Variants in RFX1 observed in about 807,000 individuals in gnomAD.
RFX1 encodes the protein regulatory factor X1.
A neutral mutation model predicts 119.6 loss-of-function variants in RFX1; 42 were observed. That is an observed-to-expected ratio of 0.35 (90% confidence interval 0.27 to 0.45). The LOEUF (loss-of-function observed/expected upper bound fraction) is 0.45. RFX1 is among the 20% of genes least tolerant of loss of function. RFX1 has a pLI of 1.00. For synonymous variants in RFX1, 628 were observed against 618.5 expected (o/e 1.02, Z -0.23); for missense variants, 1,118 against 1,368.1 (o/e 0.82, Z 2.88).
chr19:13,969,757 A>C lies in RFX1; in HGVS notation c.1496+237T>G. 1 of 445,370 alleles carries C rather than the reference A, an allele frequency of 2.2e-6. No homozygotes were observed. The highest frequency in any genetic ancestry group is 4.0e-6 in the Non-Finnish European group (1 of 252,034). The allele number at this position is 445,370 out of a possible 1,614,324, so 27.6% of individuals were successfully genotyped here. On this transcript the variant is annotated intron_variant, in intron 10 of 20. Transcript: ENST00000254325. This position sits in a 1 kb window ranked among gnomAD's most constrained non-coding sequence, Gnocchi z 4.5. ...CGGGCAGGGGAGAGGGGGAGGCTGC[A>C]GTTTTAGTTGAGGCAGTCAGGGGAC... is the stretch of plus-strand genomic sequence containing the variant.
At chr19:13,994,576 G>A (rs1436798737) in intron 1 of RFX1, among the ~76,000 whole-genome samples, 4 of 151,662 alleles carry the variant, frequency 2.6e-5, no homozygotes, top group African/African-American at 9.7e-5. Context: ...TTTGCTGGGC[G>A]TGGTGGTGCA....
rs61063670 is a variant in RFX1, at chr19:13,968,171, T to C, written c.1732+394A>G. Among the ~76,000 whole-genome samples the C allele has an allele frequency of 0.037, 5,649 of 152,092 alleles. 339 individuals are homozygous for C. Among genetic ancestry groups the C allele is most frequent in the African/African-American group, 0.13 (5,383 of 41,456 alleles). On this transcript the variant is annotated intron_variant, in intron 12 of 20. Transcript: ENST00000254325. The surrounding 1 kb of genome is among the most constrained non-coding windows in gnomAD (Gnocchi z 5.5). ...CAGGAGGCTGAGGCAGGAGAATCAC[T>C]TGAACCCAGGAGGCGGAGGTTGCAG...
chr19:13,966,281 C>T lies in RFX1; in HGVS notation c.1961+140G>A. 1.6e-6 allele frequency: 1 copy of T among 608,502 alleles called. No homozygotes were observed. The highest frequency in any genetic ancestry group is 2.9e-6 in the Non-Finnish European group (1 of 341,254). 37.7% of individuals were successfully genotyped at this position (608,502 alleles called of 1,614,324 possible). On this transcript the variant is annotated intron_variant, in intron 14 of 20. Transcript: ENST00000254325. The surrounding 1 kb of genome is among the most constrained non-coding windows in gnomAD (Gnocchi z 6.3). ...GACTGTTGAGTGTCGGGTGGCTATACACACTCCACACAGCCAAGGATATGT... is the reference window on the plus strand; with the variant it reads ...GACTGTTGAGTGTCGGGTGGCTATATACACTCCACACAGCCAAGGATATGT...
chr19:13,990,080 C>T lies in RFX1; in HGVS notation c.319+3445G>A, dbSNP rs902786709. On this transcript the variant is annotated intron_variant, in intron 2 of 20. Coordinates refer to ENST00000254325, the MANE Select transcript of RFX1 (RefSeq NM_002918.5). The surrounding 1 kb of genome is among the most constrained non-coding windows in gnomAD (Gnocchi z 4.1). ...AGGAGGGGCTGGATGTGGGGTCCTG[C>T]GGTTCAGGGTTGCAGCCCAGGCTGG... Among the ~76,000 whole-genome samples the T allele has an allele frequency of 6.6e-6, 1 of 151,988 alleles. No homozygotes were observed. The highest frequency in any genetic ancestry group is 2.4e-5 in the African/African-American group (1 of 41,380).
chr19:13,962,728 G>C lies in RFX1; in HGVS notation c.2907C>G (p.Arg969=). ...AGGGCAGCGCCTGCACGAAGAGGCC[G>C]CGCGCGTCAGTCCGCGCCAGCTTGG... is the stretch of plus-strand genomic sequence containing the variant. ...PPAKLARTDA[R]GLFVQALPSS Residue 969 remains arginine (R), a synonymous_variant, in exon 21 of 21, where the codon CGC becomes CGG. Coordinates refer to ENST00000254325, the MANE Select transcript of RFX1 (RefSeq NM_002918.5). 6.5e-7 allele frequency: 1 copy of C among 1,530,258 alleles called. No individual in the cohort carries two copies. The highest frequency in any genetic ancestry group is 8.7e-7 in the Non-Finnish European group (1 of 1,143,958). 94.8% of individuals were successfully genotyped at this position (1,530,258 alleles called of 1,614,324 possible).
intron 4 of RFX1, 102 bp downstream of exon 4, chr19:13,983,085 T>C: frequency 1.1e-6 from 1 of 904,912 alleles, no homozygotes; most frequent in Non-Finnish European, 1.7e-6. Flanking sequence ...ATGGGGACTC[T>C]TCCCTCCATC....
At chr19:13,997,623 A>T (rs775281255) in intron 1 of RFX1, among the ~76,000 whole-genome samples, 1 of 152,158 alleles carries the variant, frequency 6.6e-6, no homozygotes, top group Non-Finnish European at 1.5e-5. Context: ...AGGAAACAGG[A>T]GCTTACACTT....
At chr19:13,976,431 C>A (rs565501294) in intron 8 of RFX1, among the ~76,000 whole-genome samples, 1 of 152,208 alleles carries the variant, frequency 6.6e-6, no homozygotes, top group African/African-American at 2.4e-5. Context: ...GGAGGACCCC[C>A]GGCGAGGAGC....
rs1279835014 is a variant in RFX1, at chr19:13,969,947, G to A, written c.1496+47C>T. The A allele has an allele frequency of 2.0e-6, 3 of 1,538,204 alleles. No homozygotes were observed. Among genetic ancestry groups the A allele is most frequent in the Admixed American group, 1.9e-5 (1 of 53,236 alleles). On this transcript the variant is annotated intron_variant, in intron 10 of 20. Coordinates refer to ENST00000254325, the MANE Select transcript of RFX1 (RefSeq NM_002918.5). This position sits in a 1 kb window ranked among gnomAD's most constrained non-coding sequence, Gnocchi z 4.5. ...TCGGAGTGGGGGTGGGCCTTGGCAT[G>A]CCCACCAATTCCCCAGGGACTGCTG... is the stretch of plus-strand genomic sequence containing the variant.
rs1475566550 is a variant in RFX1, at chr19:13,965,868, C to A, written c.1962-91G>T. 3 of 1,460,012 alleles carry A rather than the reference C, an allele frequency of 2.1e-6. No individual in the cohort carries two copies. Among genetic ancestry groups the A allele is most frequent in the African/African-American group, 2.8e-5 (2 of 72,122 alleles). 90.4% of individuals were successfully genotyped at this position (1,460,012 alleles called of 1,614,324 possible). On this transcript the variant is annotated intron_variant, in intron 14 of 20. Coordinates refer to ENST00000254325, the MANE Select transcript of RFX1 (RefSeq NM_002918.5). This position sits in a 1 kb window ranked among gnomAD's most constrained non-coding sequence, Gnocchi z 4.7. ...GGAACAGGTAGCCCCTGTCCCTGAC[C>A]CAGGGTCACTGGGGTACTCTGTGGT... is the stretch of plus-strand genomic sequence containing the variant.
chr19:13,999,635 AG>A (rs1447678664), intron 1 of RFX1, among the ~76,000 whole-genome samples: 1 of 152,154 alleles, frequency 6.6e-6, no homozygotes, highest in African/African-American at 2.4e-5. Flanking sequence ...AGCCAAAAAC[AG>A]GCAGCAGGCC....
In RFX1 at chr19:13,965,560, C is replaced by T. The variant is rs534568112; in HGVS notation, c.2114-14G>A. 6.6e-4 allele frequency: 979 copies of T among 1,484,044 alleles called. 12 individuals carry two copies. The South Asian group carries it at 9.6e-3, about 15-fold the overall frequency. The allele number at this position is 1,484,044 out of a possible 1,614,324, so 91.9% of individuals were successfully genotyped here. A position where few individuals can be genotyped will look rare whatever the true frequency, so the allele number is the denominator to read the frequency against. On this transcript the variant is annotated splice_polypyrimidine_tract_variant and intron_variant, in intron 15 of 20. Transcript: ENST00000254325. The surrounding 1 kb of genome is among the most constrained non-coding windows in gnomAD (Gnocchi z 4.7). Reference sequence around the variant, plus strand: ...GGGTCAAGGCACCTGTGGGCGGTGGCGGGGGTCGGTCAGGGCAGGGCGGGT... The same window carrying T: ...GGGTCAAGGCACCTGTGGGCGGTGGTGGGGGTCGGTCAGGGCAGGGCGGGT...
In RFX1 at chr19:13,963,163, C is replaced by T. The variant is rs1354259908; in HGVS notation, c.2683G>A (p.Ala895Thr). ...ATGGGGGTCTCGCCCTTGGCCTGGG[C>T]TACGCGGTGCTCGATCAGGTAGTAC... ...YMYYLIEHRV[A>T]QAKGETPIAV... The change falls in exon 19 of 21, where the codon GCC becomes ACC. Residue 895 changes from alanine (A) to threonine (T), a missense_variant. Transcript: ENST00000254325. 3 of 1,612,570 alleles carry T rather than the reference C, an allele frequency of 1.9e-6. No homozygotes were observed. In the South Asian group the frequency reaches 3.3e-5, roughly 18 times the overall value.
In RFX1 at chr19:13,978,089, G is replaced by A. The variant is rs370291049; in HGVS notation, c.835-3C>T. ...GGCACCTGCTGGAGCTGCTGCACCT[G>A]GGGCAGAGGAAGGGCACGTGGAGGG... On this transcript the variant is annotated splice_polypyrimidine_tract_variant and splice_region_variant and intron_variant, in intron 7 of 20. Transcript: ENST00000254325. The A allele has an allele frequency of 5.5e-4, 888 of 1,611,660 alleles. 1 individual carries two copies. Among genetic ancestry groups the A allele is most frequent in the Non-Finnish European group, 6.9e-4 (811 of 1,178,726 alleles).
Position 13,970,999 on chromosome 19 carries a change from T to TA in RFX1, c.1315-825dup, listed in dbSNP as rs111357702. On this transcript the variant is annotated intron_variant, in intron 9 of 20. Transcript: ENST00000254325. ...CTGTGCGACAGAGCAAGATTCCTTC[T>TA]AAAAAAAAAAAATTATATGAATTTA... Among the ~76,000 whole-genome samples, 1,202 of 141,104 alleles carry TA rather than the reference T, an allele frequency of 8.5e-3. 22 individuals are homozygous for TA. The highest frequency in any genetic ancestry group is 0.028 in the African/African-American group (1,097 of 38,722). The allele number at this position is 141,104 out of a possible 152,430, so 92.6% of individuals were successfully genotyped here.
chr19:13,975,365 A>G (rs1974223306), intron 8 of RFX1, among the ~76,000 whole-genome samples: 1 of 151,906 alleles, frequency 6.6e-6, no homozygotes, highest in South Asian at 2.1e-4. Context: ...CTATCTCAAA[A>G]AAAAAAAAAA....
Position 13,961,869 on chromosome 19 carries a change from C to A in RFX1, c.*826G>T, listed in dbSNP as rs939102252. Reference sequence around the variant, plus strand: ...TTACCAACTCCGCTCGGGCGGCGCTCACGAATCGCACAATAGTCATGGGGT... The same window carrying A: ...TTACCAACTCCGCTCGGGCGGCGCTAACGAATCGCACAATAGTCATGGGGT... On this transcript the variant is annotated 3_prime_UTR_variant, in exon 21 of 21. Coordinates refer to ENST00000254325, the MANE Select transcript of RFX1 (RefSeq NM_002918.5). 2 of 152,314 alleles carry A rather than the reference C, an allele frequency of 1.3e-5. No individual in the cohort carries two copies. Among genetic ancestry groups the A allele is most frequent in the Non-Finnish European group, 2.9e-5 (2 of 68,076 alleles). 9.4% of individuals were successfully genotyped at this position (152,314 alleles called of 1,614,324 possible). A position where few individuals can be genotyped will look rare whatever the true frequency, so the allele number is the denominator to read the frequency against.
intron 8 of RFX1, among the ~76,000 whole-genome samples, chr19:13,973,931 C>T (rs1408025477): frequency 1.3e-5 from 2 of 150,940 alleles, no homozygotes; most frequent in South Asian, 4.2e-4. Context: ...CACACCTGGC[C>T]GACCCTGTCT....
intron 7 of RFX1, 97 bp from the exon 8 acceptor site, chr19:13,978,183 C>T: frequency 1.2e-6 from 1 of 854,588 alleles, no homozygotes; most frequent in Non-Finnish European, 1.9e-6. Flanking sequence ...ATCCCTGACG[C>T]CCAGCTCCCG....
Sources: allele counts gnomAD v4.1 joint callset (sites outside exome capture counted in the v4.1 genomes callset), GRCh38; gene constraint gnomAD v4.1.1; non-coding constraint Gnocchi (gnomAD v3.1); transcripts MANE v1.5; gene names NCBI Gene and HGNC (gene_info 2026-07-23, HGNC 2026-07-21).